Variants in ASB15 observed in about 807,000 individuals in gnomAD.
The protein encoded by ASB15 is ankyrin repeat and SOCS box protein 15.
A neutral mutation model predicts 58.0 loss-of-function variants in ASB15; 54 were observed. The observed-to-expected ratio is 0.93, with a 90% CI of 0.75 to 1.17. The LOEUF (loss-of-function observed/expected upper bound fraction) is 1.17. Among genes scored for constraint, ASB15 ranks in the 50% most tolerant of loss-of-function variants. ASB15 has a pLI of 0.00. For synonymous variants in ASB15, 249 were observed against 262.4 expected, an observed-to-expected ratio of 0.95 and a Z score of 0.50; for missense variants, 680 against 707.4, an observed-to-expected ratio of 0.96 and a Z score of 0.44.
At chr7:123,627,304 AT>A in intron 9 of ASB15, 23 bp downstream of exon 9, 1 of 1,579,120 alleles carries the variant, frequency 6.3e-7, no homozygotes, top group Admixed American at 1.7e-5. Flanking sequence ...TTATAGGGTA[AT>A]TATTTGAGTT....
At chr7:123,633,744 A>G (rs547457155) in intron 11 of ASB15, among the ~76,000 whole-genome samples, 3 of 152,162 alleles carry the variant, frequency 2.0e-5, no homozygotes. Flanking sequence ...GCCATTTCCT[A>G]ACAAAAGAAA....
intron 1 of ASB15, among the ~76,000 whole-genome samples, chr7:123,596,757 TTAAA>T (rs1215786799): frequency 6.6e-6 from 1 of 152,182 alleles, no homozygotes; most frequent in Non-Finnish European, 1.5e-5. Flanking sequence ...CAAATATTAA[TTAAA>T]TGTCATTACG....
chr7:123,570,423 G>A (rs544594457), intron 1 of ASB15, among the ~76,000 whole-genome samples: 3 of 152,088 alleles, frequency 2.0e-5, no homozygotes, highest in South Asian at 2.1e-4. Context: ...CCCTTCCACC[G>A]AGAGTGGCAG....
In ASB15 at chr7:123,613,341, T is replaced by C. The variant is rs1800581534; in HGVS notation, c.-2-1160T>C. On this transcript the variant is annotated intron_variant, in intron 3 of 11. Transcript: ENST00000451215. ...ACATACTATAAAGTAAAATTTCATA[T>C]AGAGACTATAAAAGGCTTGAAAAGT... Among the ~76,000 whole-genome samples the C allele has an allele frequency of 2.0e-5, 3 of 152,294 alleles. No homozygotes were observed. The South Asian group carries it at 6.2e-4, about 32-fold the overall frequency.
intron 7 of ASB15, among the ~76,000 whole-genome samples, chr7:123,622,074 G>A (rs1801366380): frequency 6.6e-6 from 1 of 152,188 alleles, no homozygotes; most frequent in Non-Finnish European, 1.5e-5. Flanking sequence ...TAATCCAGCA[G>A]TCCTTGTCAA....
intron 7 of ASB15, among the ~76,000 whole-genome samples, chr7:123,623,992 AAAG>A (rs1425739829): frequency 1.1e-4 from 16 of 151,346 alleles, no homozygotes; most frequent in African/African-American, 3.4e-4. Flanking sequence ...AGAAAGAAAG[AAAG>A]AGAAAGGAAA....
intron 1 of ASB15, among the ~76,000 whole-genome samples, chr7:123,586,679 T>C (rs1799383194): frequency 6.6e-6 from 1 of 151,714 alleles, no homozygotes; most frequent in Non-Finnish European, 1.5e-5. Flanking sequence ...TTTCTTCTAG[T>C]AGTTTTACAG....
At chr7:123,589,234 T>C (rs922518321) in intron 1 of ASB15, among the ~76,000 whole-genome samples, 1 of 151,670 alleles carries the variant, frequency 6.6e-6, no homozygotes, top group African/African-American at 2.4e-5. Context: ...GGTGCACATA[T>C]AATTACAATT....
At chr7:123,619,436 T>C (rs1351238075) in intron 7 of ASB15, among the ~76,000 whole-genome samples, 2 of 152,150 alleles carry the variant, frequency 1.3e-5, no homozygotes, top group Admixed American at 6.5e-5. Context: ...GAGGGTTGTA[T>C]AGGGGAACGG....
chr7:123,624,662 A>C lies in ASB15; in HGVS notation c.545A>C (p.His182Pro). ...QPCVKRWSAMHEAAKQGRKDI... is the reference protein window; with the variant it reads ...QPCVKRWSAMPEAAKQGRKDI... ...TGTGTCAAGCGATGGTCAGCAATGCATGAAGCAGCCAAGCAAGGCCGAAAA... is the reference window on the plus strand; with the variant it reads ...TGTGTCAAGCGATGGTCAGCAATGCCTGAAGCAGCCAAGCAAGGCCGAAAA... Residue 182 changes from histidine to proline, a missense_variant, in exon 8 of 12, where the codon CAT becomes CCT. By Grantham distance (77) the His-to-Pro change is moderately conservative. Transcript: ENST00000451215. 1 of 1,614,222 alleles carries C rather than the reference A, an allele frequency of 6.2e-7. No homozygotes were observed. The highest frequency in any genetic ancestry group is 8.5e-7 in the Non-Finnish European group (1 of 1,180,036).
intron 1 of ASB15, among the ~76,000 whole-genome samples, chr7:123,594,916 C>A (rs1241334401): frequency 2.0e-5 from 3 of 152,196 alleles, no homozygotes; most frequent in Non-Finnish European, 2.9e-5. Flanking sequence ...AGGCAGTAGG[C>A]CTTGCTGAGC....
intron 7 of ASB15, among the ~76,000 whole-genome samples, chr7:123,618,120 C>T (rs1429169020): frequency 2.0e-5 from 3 of 152,134 alleles, no homozygotes; most frequent in Non-Finnish European, 4.4e-5. Context: ...ACATCAAGTT[C>T]ACATCAGACT....
chr7:123,579,743 A>G (rs1392584200), intron 1 of ASB15, among the ~76,000 whole-genome samples: 3 of 152,074 alleles, frequency 2.0e-5, no homozygotes, highest in Non-Finnish European at 4.4e-5. Flanking sequence ...AAACAAATCT[A>G]TTATGCTATA....
chr7:123,633,293 C>T (rs1802221990), intron 11 of ASB15, among the ~76,000 whole-genome samples: 1 of 151,752 alleles, frequency 6.6e-6, no homozygotes, highest in African/African-American at 2.4e-5. Flanking sequence ...AATATTAGTA[C>T]ATAGATAAAA....
At chr7:123,624,138 A>G (rs1006272530) in intron 7 of ASB15, among the ~76,000 whole-genome samples, 10 of 152,122 alleles carry the variant, frequency 6.6e-5, no homozygotes, top group Admixed American at 1.3e-4. Context: ...GGGTCCTAGG[A>G]GTGATATAAT....
At chr7:123,591,571 TG>T (rs1157071695) in intron 1 of ASB15, among the ~76,000 whole-genome samples, 1 of 152,108 alleles carries the variant, frequency 6.6e-6, no homozygotes, top group African/African-American at 2.4e-5. Context: ...TGGTTTTTGT[TG>T]TTGGTTCTGT....
chr7:123,604,989 A>G (rs903487657), intron 2 of ASB15, among the ~76,000 whole-genome samples: 1 of 152,168 alleles, frequency 6.6e-6, no homozygotes, highest in Non-Finnish European at 1.5e-5. Flanking sequence ...GTTATATTCA[A>G]CTGCCTCCAA....
intron 1 of ASB15, among the ~76,000 whole-genome samples, chr7:123,602,626 T>A (rs986680281): frequency 6.6e-5 from 10 of 152,240 alleles, no homozygotes; most frequent in African/African-American, 2.2e-4. Context: ...ATAAAAATTA[T>A]AATTTTACAC....
rs758610520 is a variant in ASB15, at chr7:123,629,014, C to T, written c.1020C>T (p.Asp340=). 1.2e-5 allele frequency: 20 copies of T among 1,613,752 alleles called. 1 individual carries two copies. In the South Asian group the frequency reaches 1.6e-4, roughly 13 times the overall value. Residue 340 remains aspartate, a synonymous_variant, in exon 10 of 12, where the codon GAC becomes GAT. Coordinates refer to ENST00000451215, the MANE Select transcript of ASB15 (RefSeq NM_001290258.2). ...NGFDVNTLLA[D]HISQSYDDER... is the part of the protein sequence containing the mutation. ...TTGATGTCAACACTCTACTTGCTGA[C>T]CACATTTCCCAGAGCTATGACGATG...
Sources: gnomAD v4.1 joint callset for allele counts (sites outside exome capture counted in the v4.1 genomes callset) on GRCh38, gnomAD v4.1.1 for gene constraint, MANE v1.5 for transcripts, NCBI Gene and HGNC (gene_info 2026-07-23, HGNC 2026-07-21) for gene names.